GRM7: variants seen among roughly 807,000 people sequenced by gnomAD.
GRM7 encodes metabotropic glutamate receptor 7.
A neutral mutation model predicts 84.5 loss-of-function variants in GRM7; 35 were observed. That is an observed-to-expected ratio of 0.41 (90% CI 0.32 to 0.55). The LOEUF is 0.55. Ranked by LOEUF, GRM7 falls within the 20% of genes least tolerant of loss-of-function variation. The pLI is 0.19. For synonymous variants in GRM7, 487 were observed against 455.1 expected (o/e 1.07, Z -0.89); for missense variants, 1,003 against 1,194.6 (o/e 0.84, Z 2.36).
intron 1 of GRM7, among the ~76,000 whole-genome samples, chr3:6,891,756 T>G (rs1463413680): frequency 3.3e-5 from 5 of 152,186 alleles, no homozygotes; most frequent in African/African-American, 1.2e-4. Flanking sequence ...GTTCTCTGTA[T>G]TTCCTGAATC....
chr3:7,355,626 A>T (rs1486906789), intron 4 of GRM7, among the ~76,000 whole-genome samples: 1 of 152,122 alleles, frequency 6.6e-6, no homozygotes, highest in East Asian at 1.9e-4. Flanking sequence ...GTGGGCCAAC[A>T]AGTTACCATA....
chr3:7,016,841 G>T (rs1695584467), intron 1 of GRM7, among the ~76,000 whole-genome samples: 1 of 152,128 alleles, frequency 6.6e-6, no homozygotes, highest in African/African-American at 2.4e-5. Context: ...TAAGTAACTT[G>T]CCCAATGTCA....
rs1021454070 is a variant in GRM7 at position 6,871,411 on chromosome 3, A to C, written c.519+9504A>C. Among the ~76,000 whole-genome samples, 5 of 152,184 alleles carry C rather than the reference A, an allele frequency of 3.3e-5. No individual in the cohort carries two copies. In the South Asian group the frequency reaches 8.3e-4, roughly 25 times the overall value. ...ATCACTGATACGCATGATGAAATTTAGGTAGTTACCCAGGTGTTTAAGAAA... is the reference window on the plus strand; with the variant it reads ...ATCACTGATACGCATGATGAAATTTCGGTAGTTACCCAGGTGTTTAAGAAA... On this transcript the variant is annotated intron_variant, in intron 1 of 9. Transcript: ENST00000357716.
intron 1 of GRM7, among the ~76,000 whole-genome samples, chr3:6,949,795 T>C (rs1350639386): frequency 6.6e-6 from 1 of 152,222 alleles, no homozygotes; most frequent in African/African-American, 2.4e-5. Flanking sequence ...TCACACTTCA[T>C]TGTATTCATT....
chr3:7,292,319 G>A (rs1699659972), intron 2 of GRM7, among the ~76,000 whole-genome samples: 1 of 152,098 alleles, frequency 6.6e-6, no homozygotes, highest in African/African-American at 2.4e-5. Flanking sequence ...CGTGTTGTAT[G>A]TACCTTTATC....
chr3:7,565,590 G>A (rs1694221057), intron 7 of GRM7, among the ~76,000 whole-genome samples: 1 of 152,168 alleles, frequency 6.6e-6, no homozygotes, highest in Non-Finnish European at 1.5e-5. Context: ...CCAGGAGAGT[G>A]AAGCCAGCTG....
chr3:7,589,565 C>G (rs1303470584), intron 8 of GRM7, among the ~76,000 whole-genome samples: 1 of 152,132 alleles, frequency 6.6e-6, no homozygotes, highest in Non-Finnish European at 1.5e-5. Context: ...ACTGAAATCT[C>G]TAGAAATGGC....
intron 8 of GRM7, among the ~76,000 whole-genome samples, chr3:7,671,988 C>A (rs1435091242): frequency 6.6e-6 from 1 of 152,106 alleles, no homozygotes; most frequent in Non-Finnish European, 1.5e-5. Context: ...CACTAATAAT[C>A]CAAGGCCAAA....
At chr3:7,553,060 G>A (rs768401016) in intron 7 of GRM7, among the ~76,000 whole-genome samples, 4 of 152,210 alleles carry the variant, frequency 2.6e-5, no homozygotes, top group Non-Finnish European at 4.4e-5. Flanking sequence ...GCTTTGAAGC[G>A]CACCCAAGTC....
chr3:7,576,820 A>G (rs1174936340), intron 7 of GRM7, among the ~76,000 whole-genome samples: 2 of 141,868 alleles, frequency 1.4e-5, no homozygotes, highest in Non-Finnish European at 3.2e-5. Context: ...TTTCATGCAT[A>G]TATTGCTCAG....
chr3:7,511,587 C>T (rs1575434156), intron 7 of GRM7, among the ~76,000 whole-genome samples: 1 of 152,078 alleles, frequency 6.6e-6, no homozygotes, highest in Non-Finnish European at 1.5e-5. Context: ...CCCAGACATG[C>T]ACCATCTCAT....
chr3:7,116,932 T>G (rs1693055047), intron 1 of GRM7, among the ~76,000 whole-genome samples: 1 of 152,182 alleles, frequency 6.6e-6, no homozygotes, highest in African/African-American at 2.4e-5. Context: ...ATTTGACCAC[T>G]TAATGTATAA....
At chr3:7,031,325 G>A (rs1574811650) in intron 1 of GRM7, among the ~76,000 whole-genome samples, 2 of 151,994 alleles carry the variant, frequency 1.3e-5, no homozygotes, top group Admixed American at 6.6e-5. Flanking sequence ...TAGTTCAGAT[G>A]CTGCCTTCAT....
intron 2 of GRM7, among the ~76,000 whole-genome samples, chr3:7,284,359 A>G (rs185583088): frequency 1.3e-5 from 2 of 152,130 alleles, no homozygotes; most frequent in Admixed American, 1.3e-4. Context: ...CAGACAATCA[A>G]TACTAACAAT....
chr3:7,200,995 A>G (rs1482820447), intron 2 of GRM7, among the ~76,000 whole-genome samples: 1 of 129,698 alleles, frequency 7.7e-6, no homozygotes, highest in East Asian at 2.1e-4. Flanking sequence ...TTTGAGACAC[A>G]GTCTCACTCT....
chr3:7,110,361 G>A (rs1373012288), intron 1 of GRM7, among the ~76,000 whole-genome samples: 1 of 152,074 alleles, frequency 6.6e-6, no homozygotes, highest in African/African-American at 2.4e-5. Flanking sequence ...AGCACTTTGG[G>A]AGGCCAAGGT....
At chr3:7,699,257 C>T (rs1701133085) in intron 9 of GRM7, among the ~76,000 whole-genome samples, 1 of 152,160 alleles carries the variant, frequency 6.6e-6, no homozygotes, top group Admixed American at 6.5e-5. Context: ...GCTCTGTCAT[C>T]AGACCCCAGG....
chr3:7,342,159 T>C (rs1224407717), intron 4 of GRM7, among the ~76,000 whole-genome samples: 1 of 152,176 alleles, frequency 6.6e-6, no homozygotes, highest in Non-Finnish European at 1.5e-5. Context: ...CTGGAATTAA[T>C]TGTTTTATGT....
intron 7 of GRM7, among the ~76,000 whole-genome samples, chr3:7,491,770 G>A (rs922035314): frequency 2.0e-5 from 3 of 152,156 alleles, no homozygotes; most frequent in East Asian, 3.9e-4. Context: ...ACAATAGGAA[G>A]GATTAAATAA....
Sources: gnomAD v4.1 joint callset for allele counts (sites outside exome capture counted in the v4.1 genomes callset) on GRCh38, gnomAD v4.1.1 for gene constraint, MANE v1.5 for transcripts, NCBI Gene and HGNC (gene_info 2026-07-23, HGNC 2026-07-21) for gene names.